Variants in CECR2 observed in about 807,000 individuals in gnomAD.
CECR2 encodes the protein CECR2 histone acetyl-lysine reader.
CECR2 carries 30 observed loss-of-function variants against 154.5 expected under a neutral mutation model. The observed-to-expected ratio is 0.19, with a 90% CI of 0.15 to 0.26. The LOEUF is 0.26. CECR2 is among the 10% of genes least tolerant of loss of function. CECR2 has a pLI of 1.00. For synonymous variants in CECR2, 725 were observed against 683.7 expected (o/e 1.06, Z -0.94); for missense variants, 1,743 against 1,829.3 (o/e 0.95, Z 0.86).
In CECR2 at chr22:17,537,230, C is replaced by T. The variant is rs1355580260; in HGVS notation, c.1236C>T (p.Asp412=). 6.2e-7 allele frequency: 1 copy of T among 1,613,732 alleles called. No homozygotes were observed. The highest frequency in any genetic ancestry group is 1.7e-5 in the Admixed American group (1 of 59,952). Residue 412 remains aspartate (D), a splice_region_variant and synonymous_variant, in exon 10 of 19, where the codon GAC becomes GAT. Coordinates refer to ENST00000262608, the MANE Select transcript of CECR2 (RefSeq NM_001290047.2). The part of the protein sequence containing the change: ...SPMREEKKTK[D]LFELDDDFTA... ...TGAGAGAGGAAAAAAAGACTAAAGA[C>T]CTGTGAGTATTTAGTAACAACAACA... is the stretch of plus-strand genomic sequence containing the variant.
chr22:17,480,508 A>G (rs998788886), intron 2 of CECR2, among the ~76,000 whole-genome samples: 1 of 151,736 alleles, frequency 6.6e-6, no homozygotes, highest in Non-Finnish European at 1.5e-5. Context: ...AATTTTCACA[A>G]ACTGAACACA....
At chr22:17,440,800 C>T (rs1376179803) in intron 1 of CECR2, among the ~76,000 whole-genome samples, 1 of 152,174 alleles carries the variant, frequency 6.6e-6, no homozygotes, top group African/African-American at 2.4e-5. Flanking sequence ...GATGATTATA[C>T]AATCATTACA....
chr22:17,399,924 A>C (rs1296019080), intron 1 of CECR2, among the ~76,000 whole-genome samples: 1 of 152,224 alleles, frequency 6.6e-6, no homozygotes, highest in Non-Finnish European at 1.5e-5. Context: ...TGGACCTCAC[A>C]TTTAATGATG....
chr22:17,392,731 A>G (rs1220302964), intron 1 of CECR2, among the ~76,000 whole-genome samples: 2 of 151,872 alleles, frequency 1.3e-5, no homozygotes, highest in Non-Finnish European at 2.9e-5. Flanking sequence ...ATACTATACA[A>G]CTCATTCATT....
chr22:17,437,228 A>G (rs575239900), intron 1 of CECR2, among the ~76,000 whole-genome samples: 2 of 152,136 alleles, frequency 1.3e-5, no homozygotes, highest in Middle Eastern at 3.4e-3. Context: ...TAAATTAGAT[A>G]CATTCCCCCT....
At chr22:17,383,836 C>CT (rs1180082779) in intron 1 of CECR2, among the ~76,000 whole-genome samples, 1,550 of 151,436 alleles carry the variant, frequency 0.01, 25 homozygotes, top group African/African-American at 0.036. Context: ...GGCTAATTTT[C>CT]TTTTTTTTGG....
At chr22:17,384,083 T>C (rs1362755392) in intron 1 of CECR2, among the ~76,000 whole-genome samples, 1 of 152,172 alleles carries the variant, frequency 6.6e-6, no homozygotes, top group Non-Finnish European at 1.5e-5. Context: ...GGAATCAGCT[T>C]CTTCCAAACT....
intron 9 of CECR2, among the ~76,000 whole-genome samples, chr22:17,531,098 T>A (rs894194528): frequency 2.0e-5 from 3 of 152,226 alleles, no homozygotes; most frequent in Non-Finnish European, 2.9e-5. Flanking sequence ...AAGAAGTAAC[T>A]TGTAGTTAAT....
chr22:17,444,875 C>G (rs1044308462), intron 1 of CECR2, among the ~76,000 whole-genome samples: 1 of 152,142 alleles, frequency 6.6e-6, no homozygotes, highest in African/African-American at 2.4e-5. Context: ...AGTAGCAGTA[C>G]TTTTCCAGGA....
At chr22:17,447,874 GTT>G (rs35094119) in intron 1 of CECR2, among the ~76,000 whole-genome samples, 10 of 122,854 alleles carry the variant, frequency 8.1e-5, no homozygotes, top group East Asian at 5.1e-4. Context: ...CATTTCAAGT[GTT>G]TTTTTTTTGT....
At chr22:17,485,043 T>C (rs1418091626) in intron 2 of CECR2, among the ~76,000 whole-genome samples, 1 of 152,148 alleles carries the variant, frequency 6.6e-6, no homozygotes, top group African/African-American at 2.4e-5. Flanking sequence ...ACCTGAGGTT[T>C]TTGCACTTAC....
At chr22:17,379,581 GGTGTGTGT>G (rs60634016) in intron 1 of CECR2, among the ~76,000 whole-genome samples, 208 of 137,902 alleles carry the variant, frequency 1.5e-3, no homozygotes, top group South Asian at 6.5e-3. Flanking sequence ...CTACGTTGAA[GGTGTGTGT>G]GTGTGTGTGT....
intron 7 of CECR2, among the ~76,000 whole-genome samples, chr22:17,510,740 T>C (rs1601487379): frequency 6.6e-6 from 1 of 152,192 alleles, no homozygotes. Context: ...TAGCTGGGAC[T>C]ACAGGCACGC....
At chr22:17,391,826 C>T (rs1213643616) in intron 1 of CECR2, among the ~76,000 whole-genome samples, 3 of 152,172 alleles carry the variant, frequency 2.0e-5, no homozygotes, top group African/African-American at 4.8e-5. Flanking sequence ...TTGTTTGAGA[C>T]GGAGTCTCAC....
At chr22:17,521,293 C>T (rs1189634291) in intron 8 of CECR2, among the ~76,000 whole-genome samples, 2 of 152,194 alleles carry the variant, frequency 1.3e-5, no homozygotes, top group South Asian at 2.1e-4. Flanking sequence ...GTAATCCCAG[C>T]ACTTTGGGAG....
At chr22:17,382,973 A>G (rs1011637547) in intron 1 of CECR2, among the ~76,000 whole-genome samples, 2 of 152,162 alleles carry the variant, frequency 1.3e-5, no homozygotes, top group Non-Finnish European at 2.9e-5. Flanking sequence ...CACGCCTGTA[A>G]TCCCACCACT....
intron 9 of CECR2, among the ~76,000 whole-genome samples, chr22:17,534,200 C>T (rs1238859937): frequency 6.6e-6 from 1 of 151,982 alleles, no homozygotes; most frequent in Non-Finnish European, 1.5e-5. Context: ...GTGGTGTGTG[C>T]CTGTAGTCCC....
intron 1 of CECR2, among the ~76,000 whole-genome samples, chr22:17,416,231 G>A (rs2054155088): frequency 1.3e-5 from 2 of 152,202 alleles, no homozygotes; most frequent in Admixed American, 1.3e-4. Context: ...GAAGAAAGGA[G>A]CAGTGATTTA....
chr22:17,533,288 A>T (rs752078879), intron 9 of CECR2, among the ~76,000 whole-genome samples: 23 of 147,404 alleles, frequency 1.6e-4, no homozygotes, highest in Non-Finnish European at 3.0e-4. Context: ...CCACCGCAGC[A>T]CTCCAGCCTG....
Sources: gnomAD v4.1 joint callset for allele counts (sites outside exome capture counted in the v4.1 genomes callset) on GRCh38, gnomAD v4.1.1 for gene constraint, MANE v1.5 for transcripts, NCBI Gene and HGNC (gene_info 2026-07-23, HGNC 2026-07-21) for gene names.